The following VLDLR variants were observed in gnomAD, a reference collection of about 807,000 sequenced individuals.
VLDLR encodes the protein very low density lipoprotein receptor.
Under a neutral mutation model 112.7 loss-of-function variants are expected in VLDLR, and 81 were observed. The ratio of observed to expected loss-of-function variants is 0.72; its 90% CI spans 0.60 to 0.86. VLDLR has a LOEUF of 0.86. Ranked by LOEUF, VLDLR falls within the 40% of genes least tolerant of loss-of-function variation. VLDLR has a pLI of 0.00. For synonymous variants in VLDLR, 436 were observed against 384.8 expected (o/e 1.13, Z -1.56); for missense variants, 1,237 against 1,099.4 (o/e 1.13, Z -1.77).
intron 1 of VLDLR, among the ~76,000 whole-genome samples, chr9:2,628,980 C>T (rs529096717): frequency 5.9e-5 from 9 of 152,220 alleles, no homozygotes; most frequent in Non-Finnish European, 8.8e-5. Context: ...GAGCCACTTA[C>T]ATTATGGGTA....
chr9:2,643,139 G>T, intron 4 of VLDLR, 21 bp from the exon 5 acceptor site: 1 of 1,605,536 alleles, frequency 6.2e-7, no homozygotes, highest in South Asian at 1.1e-5. Flanking sequence ...ATTTTCAGTG[G>T]GGCATCCTCT....
chr9:2,630,424 A>G (rs1402904857), intron 1 of VLDLR, among the ~76,000 whole-genome samples: 3 of 152,138 alleles, frequency 2.0e-5, no homozygotes, highest in Non-Finnish European at 4.4e-5. Context: ...GCAATGAGTA[A>G]GGGCATGAGA....
At position 2,621,905 on chromosome 9, in the gene VLDLR, C is replaced by T. The variant is rs1816796333; in HGVS notation, c.-285C>T. On this transcript the variant is annotated 5_prime_UTR_variant, in exon 1 of 19. Coordinates refer to ENST00000382100, the MANE Select transcript of VLDLR (RefSeq NM_003383.5). ...CCCTTCCCTCCTCTCCCCTTGCCTC[C>T]CCTCCTCTGCAGCGCCTGCATTATT... 1.6e-6 allele frequency: 1 copy of T among 630,494 alleles called. No homozygotes were observed. The highest frequency in any genetic ancestry group is 2.9e-6 in the Non-Finnish European group (1 of 341,592). The allele number at this position is 630,494 out of a possible 1,614,324, so 39.1% of individuals were successfully genotyped here.
chr9:2,652,033 C>A (rs1457613005), intron 17 of VLDLR, 79 bp downstream of exon 17: 1 of 1,352,772 alleles, frequency 7.4e-7, no homozygotes, highest in Non-Finnish European at 1.0e-6. Flanking sequence ...CTGGAGCTAC[C>A]CCTTTCATGG....
rs916102395 is a variant in VLDLR at position 2,654,880 on chromosome 9, T to G, written c.*1012T>G. 6.8e-6 allele frequency: 1 copy of G among 148,078 alleles called. No homozygotes were observed. The highest frequency in any genetic ancestry group is 1.5e-5 in the Non-Finnish European group (1 of 65,624). 9.2% of individuals were successfully genotyped at this position (148,078 alleles called of 1,614,324 possible). A position where few individuals can be genotyped will look rare whatever the true frequency, so the allele number is the denominator to read the frequency against. ...GCCTTCTAAGGCATGGATAAGGGCT[T>G]TCTTCTTATGAAAGTCTAGACTGTC... is the stretch of plus-strand genomic sequence containing the variant. On this transcript the variant is annotated 3_prime_UTR_variant, in exon 19 of 19. Transcript: ENST00000382100.
At chr9:2,642,466 T>G (rs1271229439) in intron 4 of VLDLR, among the ~76,000 whole-genome samples, 1 of 152,198 alleles carries the variant, frequency 6.6e-6, no homozygotes, top group African/African-American at 2.4e-5. Flanking sequence ...AAATCTAGAC[T>G]TTGCTTCCCA....
chr9:2,624,768 C>T (rs931397736), intron 1 of VLDLR, among the ~76,000 whole-genome samples: 7 of 152,138 alleles, frequency 4.6e-5, no homozygotes, highest in African/African-American at 7.2e-5. Context: ...GAAGGTATGA[C>T]GATGATAGTA....
Position 2,641,401 on chromosome 9 carries a change from A to G in VLDLR, c.350A>G (p.Glu117Gly). Residue 117 changes from glutamate (E) to glycine (G), a missense_variant, in exon 4 of 19, where the codon GAA becomes GGA. Glu to Gly is a moderately conservative substitution (Grantham distance 98, BLOSUM62 -2). Transcript: ENST00000382100. ...QCHMRTCRIH[E>G]ISCGAHSTQC... ...GATATGAGAACATGCCGCATACATGAAATCAGCTGTGGCGCCCATTCTACT... is the reference window on the plus strand; with the variant it reads ...GATATGAGAACATGCCGCATACATGGAATCAGCTGTGGCGCCCATTCTACT... 1 of 1,614,238 alleles carries G rather than the reference A, an allele frequency of 6.2e-7. No individual in the cohort carries two copies.
At position 2,645,069 on chromosome 9, in the gene VLDLR, G is replaced by A. The variant is rs1163040247; in HGVS notation, c.1299G>A (p.Val433=). ...RGYQMDLATG[V]CKAVGKEPSL... ...ATCAAATGGATCTTGCTACTGGCGTGTGCAAGGCAGTAGGTAAATGAACTT... is the reference window on the plus strand; with the variant it reads ...ATCAAATGGATCTTGCTACTGGCGTATGCAAGGCAGTAGGTAAATGAACTT... The change falls in exon 9 of 19, where the codon GTG becomes GTA. Residue 433 remains valine, a synonymous_variant. Transcript: ENST00000382100. The A allele has an allele frequency of 1.2e-6, 2 of 1,614,094 alleles. No individual in the cohort carries two copies. Among genetic ancestry groups the A allele is most frequent in the Non-Finnish European group, 1.7e-6 (2 of 1,180,038 alleles).
Position 2,653,004 on chromosome 9 carries a change from A to G in VLDLR, c.2586+55A>G, listed in dbSNP as rs899639588. ...TGGCTTGAAGTGAGACTTTTCAGAAAGGAGACCTGGGTGAGAGAGAGAGAG... is the reference window on the plus strand; with the variant it reads ...TGGCTTGAAGTGAGACTTTTCAGAAGGGAGACCTGGGTGAGAGAGAGAGAG... On this transcript the variant is annotated intron_variant, in intron 18 of 18. Coordinates refer to ENST00000382100, the MANE Select transcript of VLDLR (RefSeq NM_003383.5). 6 of 1,609,018 alleles carry G rather than the reference A, an allele frequency of 3.7e-6. No individual in the cohort carries two copies. In the Admixed American group the frequency reaches 6.7e-5, roughly 18 times the overall value.
At chr9:2,636,233 AGAT>A (rs946636541) in intron 2 of VLDLR, among the ~76,000 whole-genome samples, 3 of 152,228 alleles carry the variant, frequency 2.0e-5, no homozygotes, top group Non-Finnish European at 4.4e-5. Context: ...CTGCATGGCA[AGAT>A]TACATTTACA....
chr9:2,651,986 G>C, intron 17 of VLDLR, 32 bp downstream of exon 17: 4 of 1,603,894 alleles, frequency 2.5e-6, no homozygotes, highest in Non-Finnish European at 3.4e-6. Context: ...CTGGGTTCAA[G>C]AACTTCTTAG....
intron 2 of VLDLR, 63 bp downstream of exon 2, chr9:2,635,635 A>G: frequency 6.2e-7 from 1 of 1,607,722 alleles, no homozygotes; most frequent in Non-Finnish European, 8.5e-7. Context: ...TAGTCTGCAA[A>G]TGTATTGAGA....
intron 7 of VLDLR, 95 bp downstream of exon 7, chr9:2,644,054 C>G: frequency 6.4e-7 from 1 of 1,567,312 alleles, no homozygotes. Context: ...GCTAGTTAAA[C>G]TTTTGAATGT....
Position 2,641,438 on chromosome 9 carries a change from A to C in VLDLR, c.387A>C (p.Pro129=). Residue 129 remains proline (P), a synonymous_variant, in exon 4 of 19, where the codon CCA becomes CCC. Transcript: ENST00000382100. ...SCGAHSTQCI[P]VSWRCDGEND... is the part of the protein sequence containing the mutation. ...GCGCCCATTCTACTCAGTGTATCCC[A>C]GTGTCCTGGAGATGTGATGGTGAAA... 6.2e-7 allele frequency: 1 copy of C among 1,614,246 alleles called. No homozygotes were observed. The highest frequency in any genetic ancestry group is 8.5e-7 in the Non-Finnish European group (1 of 1,180,044).
intron 1 of VLDLR, among the ~76,000 whole-genome samples, chr9:2,630,686 C>T (rs534185437): frequency 3.3e-5 from 5 of 152,300 alleles, no homozygotes; most frequent in Non-Finnish European, 5.9e-5. Context: ...CCATGTCAAC[C>T]GCTACAGGGA....
intron 1 of VLDLR, among the ~76,000 whole-genome samples, chr9:2,632,617 T>C (rs970912141): frequency 6.6e-6 from 1 of 152,232 alleles, no homozygotes; most frequent in Non-Finnish European, 1.5e-5. Flanking sequence ...ACTCATTTGG[T>C]GCTTTCAGTT....
chr9:2,622,312 G>A (rs901884453), intron 1 of VLDLR, 41 bp downstream of exon 1: 3 of 1,431,860 alleles, frequency 2.1e-6, no homozygotes, highest in Non-Finnish European at 2.7e-6. Context: ...GCGGGACCCA[G>A]CCGGGGCACC....
chr9:2,639,758 T>A, intron 2 of VLDLR, 101 bp from the exon 3 acceptor site: 1 of 1,596,598 alleles, frequency 6.3e-7, no homozygotes, highest in Middle Eastern at 1.7e-4. Context: ...CTCAGCTTTT[T>A]TTTAGAGCAA....
Sources: allele counts gnomAD v4.1 joint callset (sites outside exome capture counted in the v4.1 genomes callset), GRCh38; gene constraint gnomAD v4.1.1; transcripts MANE v1.5; gene names NCBI Gene and HGNC (gene_info 2026-07-23, HGNC 2026-07-21).